LRP1B: variants seen among roughly 807,000 people sequenced by gnomAD.
The protein encoded by LRP1B is LDL receptor related protein 1B, also known as low-density lipoprotein receptor-related protein 1B.
In LRP1B, 217 loss-of-function variants were observed where a neutral mutation model predicts 556.6. That is an observed-to-expected ratio of 0.39 (90% confidence interval 0.35 to 0.44). The LOEUF is 0.44. Ranked by LOEUF, LRP1B falls within the 20% of genes least tolerant of loss-of-function variation. The pLI is 1.00. For synonymous variants in LRP1B, 2,047 were observed against 1,865.8 expected (o/e 1.10, Z -2.50); for missense variants, 5,053 against 5,620.8 (o/e 0.90, Z 3.23).
chr2:142,123,857 C>A (rs1707546081), intron 1 of LRP1B, among the ~76,000 whole-genome samples: 1 of 151,924 alleles, frequency 6.6e-6, no homozygotes, highest in Admixed American at 6.6e-5. Context: ...ACAAATGGAT[C>A]TGTGGTACAA....
chr2:141,406,550 CTAT>C (rs1690643859), intron 3 of LRP1B, among the ~76,000 whole-genome samples: 1 of 40,324 alleles, frequency 2.5e-5, no homozygotes, highest in Non-Finnish European at 5.2e-5. Flanking sequence ...TATCTATCAT[CTAT>C]CTATCTATCT....
chr2:140,244,165 G>A (rs1681061959), intron 87 of LRP1B, among the ~76,000 whole-genome samples: 1 of 151,026 alleles, frequency 6.6e-6, no homozygotes, highest in African/African-American at 2.4e-5. Flanking sequence ...GGGAGAAATG[G>A]AAATAAAACA....
At chr2:141,527,927 T>C (rs970814026) in intron 2 of LRP1B, among the ~76,000 whole-genome samples, 2 of 152,100 alleles carry the variant, frequency 1.3e-5, no homozygotes, top group Non-Finnish European at 2.9e-5. Flanking sequence ...ATTTATATAA[T>C]ACGCCTCCTA....
intron 18 of LRP1B, among the ~76,000 whole-genome samples, chr2:140,981,071 A>G (rs1001203709): frequency 6.6e-6 from 1 of 151,832 alleles, no homozygotes; most frequent in African/African-American, 2.4e-5. Flanking sequence ...AGAATGATGT[A>G]ATAGACTGTG....
chr2:141,248,050 A>G (rs1173879691), intron 4 of LRP1B, among the ~76,000 whole-genome samples: 3 of 152,150 alleles, frequency 2.0e-5, no homozygotes, highest in Non-Finnish European at 4.4e-5. Context: ...TCTACTAAAA[A>G]TGCAAAAATT....
rs1324528685 is a variant in LRP1B at position 140,776,139 on chromosome 2, C to G, written c.5459G>C (p.Gly1820Ala). 1.3e-6 allele frequency: 2 copies of G among 1,577,646 alleles called. No homozygotes were observed. The highest frequency in any genetic ancestry group is 1.7e-6 in the Non-Finnish European group (2 of 1,167,380). Residue 1820 changes from glycine (G) to alanine (A), a missense_variant, in exon 33 of 91, where the codon GGG becomes GCG. Transcript: ENST00000389484. The stretch of plus-strand genomic sequence containing the variant: ...ATCATAGACTTTCATATGAACTACC[C>G]CAGAAGTCTTATTCCGTAGGATGGT... ...NPTILRNKTS[G>A]VVHMKVYDKE...
At position 140,438,652 on chromosome 2, in the gene LRP1B, G is replaced by A. The variant is rs77509459; in HGVS notation, c.10414+3852C>T. 9.3e-3 allele frequency among the ~76,000 whole-genome samples: 1,423 copies of A among 152,216 alleles called. 23 individuals are homozygous for A. The highest frequency in any genetic ancestry group is 0.032 in the African/African-American group (1,342 of 41,514). On this transcript the variant is annotated intron_variant, in intron 66 of 90. Transcript: ENST00000389484. ...TACAAAGATACTGTAAAAAGTTCAC[G>A]TTCTCTTCACAAGCCCTAGTTAGTG... is the stretch of plus-strand genomic sequence containing the variant.
At chr2:141,508,090 C>CCG (rs781168665) in intron 2 of LRP1B, among the ~76,000 whole-genome samples, 2 of 149,714 alleles carry the variant, frequency 1.3e-5, no homozygotes, top group Non-Finnish European at 3.0e-5. Flanking sequence ...CATCCCCCCC[C>CCG]CAAAAAAAAA....
chr2:140,990,627 T>C (rs574127730), intron 16 of LRP1B, among the ~76,000 whole-genome samples: 3 of 152,034 alleles, frequency 2.0e-5, no homozygotes, highest in Non-Finnish European at 4.4e-5. Flanking sequence ...AGAAAATACT[T>C]AGGAGGTGAC....
At chr2:141,975,032 A>T (rs1701846995) in intron 1 of LRP1B, among the ~76,000 whole-genome samples, 1 of 152,078 alleles carries the variant, frequency 6.6e-6, no homozygotes, top group African/African-American at 2.4e-5. Context: ...ATAATGTGAT[A>T]CAAGTGAATG....
intron 3 of LRP1B, among the ~76,000 whole-genome samples, chr2:141,328,357 G>T (rs1379123755): frequency 3.1e-5 from 3 of 96,040 alleles, no homozygotes; most frequent in Non-Finnish European, 6.9e-5. Flanking sequence ...ATTATTAAAT[G>T]AGACTATCTA....
intron 43 of LRP1B, among the ~76,000 whole-genome samples, chr2:140,576,578 A>T (rs1681534622): frequency 6.6e-6 from 1 of 152,202 alleles, no homozygotes; most frequent in African/African-American, 2.4e-5. Context: ...ACCATATATA[A>T]TCTAAGATCA....
chr2:141,496,770 CA>C (rs1274189630), intron 2 of LRP1B, among the ~76,000 whole-genome samples: 1 of 151,470 alleles, frequency 6.6e-6, no homozygotes, highest in African/African-American at 2.4e-5. Flanking sequence ...AGAAAAATGT[CA>C]TGGGTTATGA....
chr2:140,789,618 C>A (rs1382078894), intron 32 of LRP1B, among the ~76,000 whole-genome samples: 1 of 71,766 alleles, frequency 1.4e-5, no homozygotes. Flanking sequence ...GCTTTAAGGA[C>A]TTTTTTTTTT....
At chr2:141,699,680 T>C (rs2105459872) in intron 2 of LRP1B, among the ~76,000 whole-genome samples, 1 of 151,472 alleles carries the variant, frequency 6.6e-6, no homozygotes, top group East Asian at 2.0e-4. Context: ...TTAGAGATAT[T>C]ATAATTCTCC....
chr2:140,321,973 GTCA>G lies in LRP1B; in HGVS notation c.12627_12629del (p.Asp4210del). Reference sequence around the variant, plus strand: ...ATAAAGTATACCCACCTAACAGGCTGTCATCATTGCAGGTGCCATTAATCAAAT... The same window carrying G: ...ATAAAGTATACCCACCTAACAGGCTGTCATTGCAGGTGCCATTAATCAAAT... On this transcript the variant is annotated inframe_deletion, in exon 82 of 91. Transcript: ENST00000389484. 6.2e-7 allele frequency: 1 copy of G among 1,612,678 alleles called. No homozygotes were observed. Among genetic ancestry groups the G allele is most frequent in the Non-Finnish European group, 8.5e-7 (1 of 1,179,168 alleles).
intron 43 of LRP1B, among the ~76,000 whole-genome samples, chr2:140,558,758 G>A (rs2046474): frequency 0.42 from 64,361 of 151,556 alleles, 14,509 homozygotes; most frequent in East Asian, 0.58. Context: ...GGGCAACATG[G>A]CAACAACCTC....
At chr2:140,777,266 A>T (rs1689530600) in intron 32 of LRP1B, among the ~76,000 whole-genome samples, 1 of 152,200 alleles carries the variant, frequency 6.6e-6, no homozygotes, top group Admixed American at 6.5e-5. Flanking sequence ...CCATCTCCTT[A>T]GCCCTTTGCC....
chr2:141,074,589 C>CTCTATATATA lies in LRP1B; in HGVS notation c.1014-12317_1014-12316insTATATATAGA, dbSNP rs10643830. The stretch of plus-strand genomic sequence containing the variant: ...TCTCTGTCTCTCTCTCTCTCTCTCT[C>CTCTATATATA]TATATATATATATATATGTTTTTTA... On this transcript the variant is annotated intron_variant, in intron 7 of 90. Transcript: ENST00000389484. Among the ~76,000 whole-genome samples the CTCTATATATA allele has an allele frequency of 1.2e-3, 162 of 136,460 alleles. 1 individual carries two copies. The highest frequency in any genetic ancestry group is 2.1e-3 in the East Asian group (10 of 4,730). 89.5% of individuals were successfully genotyped at this position (136,460 alleles called of 152,430 possible). A position where few individuals can be genotyped will look rare whatever the true frequency, so the allele number is the denominator to read the frequency against.
Sources: allele counts gnomAD v4.1 joint callset (sites outside exome capture counted in the v4.1 genomes callset), GRCh38; gene constraint gnomAD v4.1.1; transcripts MANE v1.5; gene names NCBI Gene and HGNC (gene_info 2026-07-23, HGNC 2026-07-21).